The following CLEC16A variants were observed in gnomAD, a reference collection of about 807,000 sequenced individuals.
CLEC16A encodes C-type lectin domain containing 16A, also known as protein CLEC16A.
In CLEC16A, 51 loss-of-function variants were observed where a neutral mutation model predicts 109.5. The ratio of observed to expected loss-of-function variants is 0.47; its 90% CI spans 0.37 to 0.59. The LOEUF is 0.59. Among genes scored for constraint, CLEC16A ranks in the 20% least tolerant of loss-of-function variants. The pLI, the probability that CLEC16A is intolerant of heterozygous loss-of-function variation, is 0.00. For missense variants in CLEC16A, 1,339 were observed against 1,394.0 expected (o/e 0.96, Z 0.63); for synonymous variants, 673 against 564.2 (o/e 1.19, Z -2.73).
At chr16:10,949,250 G>T (rs2041597268) in intron 1 of CLEC16A, among the ~76,000 whole-genome samples, 1 of 152,144 alleles carries the variant, frequency 6.6e-6, no homozygotes, top group African/African-American at 2.4e-5. Context: ...TTGCCATGTT[G>T]ATTTTCTTAA....
chr16:11,146,991 G>C (rs1291710368), intron 22 of CLEC16A, among the ~76,000 whole-genome samples: 1 of 152,138 alleles, frequency 6.6e-6, no homozygotes, highest in African/African-American at 2.4e-5. Flanking sequence ...CCAGTAAGGG[G>C]ATCTGACCCA....
chr16:11,138,019 G>A (rs1164483754), intron 22 of CLEC16A, among the ~76,000 whole-genome samples: 2 of 152,206 alleles, frequency 1.3e-5, no homozygotes, highest in African/African-American at 2.4e-5. Flanking sequence ...TTCAAAGCAC[G>A]GCAGCTCCTG....
chr16:11,074,521 G>C (rs897648540), intron 19 of CLEC16A, among the ~76,000 whole-genome samples: 1 of 152,134 alleles, frequency 6.6e-6, no homozygotes, highest in Non-Finnish European at 1.5e-5. Flanking sequence ...TGTTTCCTGT[G>C]TATTGATTAT....
chr16:11,166,253 T>C, intron 22 of CLEC16A, 135 bp from the exon 23 acceptor site: 1 of 932,924 alleles, frequency 1.1e-6, no homozygotes, highest in South Asian at 2.0e-5. Flanking sequence ...CCACGACCAG[T>C]GAGGTCAGCC....
intron 22 of CLEC16A, among the ~76,000 whole-genome samples, chr16:11,142,271 A>C (rs2053870130): frequency 6.6e-6 from 1 of 152,166 alleles, no homozygotes; most frequent in African/African-American, 2.4e-5. Flanking sequence ...AGGGCCCGGG[A>C]ACCTGACAAA....
At position 11,123,785 on chromosome 16, in the gene CLEC16A, A is replaced by C. The variant is rs1204345669; in HGVS notation, c.2312A>C (p.Asn771Thr). Residue 771 changes from asparagine to threonine, a missense_variant, in exon 21 of 24, where the codon AAC (asparagine) becomes ACC (threonine). Asn to Thr is a moderately conservative substitution (Grantham distance 65). Coordinates refer to ENST00000409790, the MANE Select transcript of CLEC16A (RefSeq NM_015226.3). ...GTGGAGGACGACAGCCGTGCCCTGA[A>C]CATCACCATCCACAAGCCTGCGTCC... ...TGVEDDSRAL[N>T]ITIHKPASSP... The C allele has an allele frequency of 8.7e-6, 14 of 1,614,032 alleles. No homozygotes were observed. The highest frequency in any genetic ancestry group is 1.1e-5 in the Non-Finnish European group (13 of 1,179,896).
intron 19 of CLEC16A, among the ~76,000 whole-genome samples, chr16:11,106,828 C>T (rs751674617): frequency 2.0e-5 from 3 of 152,222 alleles, no homozygotes; most frequent in Non-Finnish European, 4.4e-5. Flanking sequence ...GATGAGACAA[C>T]TGAAGCAAAG....
intron 15 of CLEC16A, 108 bp downstream of exon 15, chr16:11,042,471 G>A: frequency 2.5e-6 from 2 of 793,146 alleles, no homozygotes; most frequent in South Asian, 3.5e-5. Context: ...GGTGTCATCG[G>A]TCACCAGCTA....
chr16:11,136,435 C>T (rs1232051007), intron 22 of CLEC16A, among the ~76,000 whole-genome samples: 2 of 152,268 alleles, frequency 1.3e-5, no homozygotes, highest in Non-Finnish European at 1.5e-5. Flanking sequence ...ATAAAACGTG[C>T]AGCAAAGGTT....
intron 22 of CLEC16A, among the ~76,000 whole-genome samples, chr16:11,149,635 T>C (rs1018377918): frequency 2.6e-5 from 4 of 151,902 alleles, no homozygotes; most frequent in African/African-American, 9.7e-5. Flanking sequence ...CCACTAAAAA[T>C]ATAAATAGCT....
intron 10 of CLEC16A, among the ~76,000 whole-genome samples, chr16:10,991,759 T>C: frequency 6.6e-6 from 1 of 152,236 alleles, no homozygotes; most frequent in African/African-American, 2.4e-5. Context: ...TCTTGGCCAG[T>C]GTCAGAGTCC....
intron 22 of CLEC16A, among the ~76,000 whole-genome samples, chr16:11,132,450 CT>C: frequency 6.6e-6 from 1 of 152,186 alleles, no homozygotes; most frequent in East Asian, 1.9e-4. Context: ...TTGCTTCCAC[CT>C]TCATCCATCA....
intron 19 of CLEC16A, among the ~76,000 whole-genome samples, chr16:11,080,719 A>G (rs902014271): frequency 6.6e-6 from 1 of 152,154 alleles, no homozygotes; most frequent in African/African-American, 2.4e-5. Flanking sequence ...GCTTTGGCTT[A>G]TGGCCCCTCC....
chr16:11,047,033 C>G (rs1464633339), intron 16 of CLEC16A, among the ~76,000 whole-genome samples: 2 of 151,592 alleles, frequency 1.3e-5, no homozygotes, highest in Non-Finnish European at 2.9e-5. Context: ...TTTTAATTAA[C>G]TGCTTTGACA....
At chr16:11,039,928 AG>A in intron 14 of CLEC16A, 52 bp downstream of exon 14, 1 of 1,586,802 alleles carries the variant, frequency 6.3e-7, no homozygotes, top group Admixed American at 1.8e-5. Flanking sequence ...TGTAGGAAGC[AG>A]ACCCCACTGG....
chr16:10,978,094 T>G (rs572936336), intron 8 of CLEC16A, among the ~76,000 whole-genome samples: 1 of 152,130 alleles, frequency 6.6e-6, no homozygotes, highest in Non-Finnish European at 1.5e-5. Context: ...TTGCGCAGCA[T>G]GGAGGGAAGG....
At chr16:11,152,878 C>T (rs901368548) in intron 22 of CLEC16A, among the ~76,000 whole-genome samples, 1 of 152,092 alleles carries the variant, frequency 6.6e-6, no homozygotes, top group Admixed American at 6.5e-5. Flanking sequence ...TGCGTTCGGG[C>T]GCCAGGGGTC....
intron 22 of CLEC16A, among the ~76,000 whole-genome samples, chr16:11,165,598 T>C (rs1433437301): frequency 2.6e-5 from 4 of 151,960 alleles, no homozygotes; most frequent in African/African-American, 9.7e-5. Context: ...ACAGTGGGAG[T>C]ATGTAGTGAT....
intron 10 of CLEC16A, among the ~76,000 whole-genome samples, chr16:11,002,681 A>G (rs1012913630): frequency 9.9e-5 from 15 of 151,868 alleles, no homozygotes; most frequent in Admixed American, 6.6e-5. Flanking sequence ...CTCATTGTCC[A>G]TCATCCCACA....
Sources: gnomAD v4.1 joint callset for allele counts (sites outside exome capture counted in the v4.1 genomes callset) on GRCh38, gnomAD v4.1.1 for gene constraint, MANE v1.5 for transcripts, NCBI Gene and HGNC (gene_info 2026-07-23, HGNC 2026-07-21) for gene names.